BMPR2: variants seen among roughly 807,000 people sequenced by gnomAD.
The protein encoded by BMPR2 is bone morphogenetic protein receptor type-2.
A neutral mutation model predicts 100.8 loss-of-function variants in BMPR2; 29 were observed. The observed-to-expected ratio is 0.29, with a 90% CI of 0.21 to 0.39. The LOEUF (loss-of-function observed/expected upper bound fraction) is 0.39, where lower values mean the gene tolerates loss of function less well. BMPR2 is among the 10% of genes least tolerant of loss of function. The pLI is 1.00. For missense variants in BMPR2, 1,011 were observed against 1,274.5 expected (o/e 0.79, Z 3.15); for synonymous variants, 382 against 442.3 (o/e 0.86, Z 1.71).
Position 202,532,208 on chromosome 2 carries a change from T to C in BMPR2, c.1129-377T>C, listed in dbSNP as rs940224850. On this transcript the variant is annotated intron_variant, in intron 8 of 12. Transcript: ENST00000374580. This position sits in a 1 kb window ranked among gnomAD's most constrained non-coding sequence, Gnocchi z 4.1. Reference sequence around the variant, plus strand: ...CACCCGCCTTGGCCTCCCAAAGTGCTAGGATTACAGGCATGAGCCACTGCA... The same window carrying C: ...CACCCGCCTTGGCCTCCCAAAGTGCCAGGATTACAGGCATGAGCCACTGCA... Among the ~76,000 whole-genome samples, 3 of 152,056 alleles carry C rather than the reference T, an allele frequency of 2.0e-5. No individual in the cohort carries two copies. The highest frequency in any genetic ancestry group is 4.4e-5 in the Non-Finnish European group (3 of 68,010).
At chr2:202,452,045 C>T (rs879429619) in intron 1 of BMPR2, among the ~76,000 whole-genome samples, 12 of 152,054 alleles carry the variant, frequency 7.9e-5, no homozygotes, top group African/African-American at 2.9e-4. Flanking sequence ...TGAGCCACTG[C>T]GCCTGGCCAA....
At chr2:202,397,504 GTT>G (rs11389726) in intron 1 of BMPR2, among the ~76,000 whole-genome samples, 3 of 140,056 alleles carry the variant, frequency 2.1e-5, no homozygotes, top group Non-Finnish European at 1.6e-5. Context: ...GTTTTTTTTT[GTT>G]TTTTTTTTTT....
At chr2:202,519,855 T>C (rs1687788534) in intron 6 of BMPR2, among the ~76,000 whole-genome samples, 2 of 152,194 alleles carry the variant, frequency 1.3e-5, no homozygotes, top group Admixed American at 1.3e-4. Flanking sequence ...TTTTTAATAT[T>C]AGAGACATAA....
At chr2:202,471,987 T>C (rs560147110) in intron 3 of BMPR2, among the ~76,000 whole-genome samples, 18 of 152,054 alleles carry the variant, frequency 1.2e-4, no homozygotes, top group Admixed American at 2.0e-4. Context: ...AGTAGGTGAA[T>C]AGGTAAATCT....
At chr2:202,500,896 T>C (rs1237561313) in intron 3 of BMPR2, among the ~76,000 whole-genome samples, 1 of 152,174 alleles carries the variant, frequency 6.6e-6, no homozygotes, top group Non-Finnish European at 1.5e-5. Context: ...CTTTTGAGGA[T>C]CCCACAGACC....
chr2:202,402,148 G>C (rs939302846), intron 1 of BMPR2, among the ~76,000 whole-genome samples: 1 of 152,194 alleles, frequency 6.6e-6, no homozygotes, highest in African/African-American at 2.4e-5. Flanking sequence ...GGTGGAGGTG[G>C]GAGGTGGAAT....
intron 1 of BMPR2, among the ~76,000 whole-genome samples, chr2:202,416,790 G>A (rs115170232): frequency 0.099 from 14,981 of 151,876 alleles, 984 homozygotes; most frequent in South Asian, 0.25. Flanking sequence ...TTGTGCAGAC[G>A]CTGTAAACAT....
intron 1 of BMPR2, among the ~76,000 whole-genome samples, chr2:202,402,884 A>G (rs913794014): frequency 2.0e-5 from 3 of 150,364 alleles, no homozygotes; most frequent in Admixed American, 6.6e-5. Context: ...GCTGGAGTGC[A>G]ATGGCGCGAT....
At chr2:202,535,191 C>A (rs544175550) in intron 9 of BMPR2, among the ~76,000 whole-genome samples, 4 of 150,012 alleles carry the variant, frequency 2.7e-5, no homozygotes, top group South Asian at 2.1e-4. Context: ...GCTGACCCCC[C>A]CCACCTCCCT....
chr2:202,518,776 G>T, intron 5 of BMPR2, 46 bp from the exon 6 acceptor site: 2 of 1,444,490 alleles, frequency 1.4e-6, no homozygotes, highest in South Asian at 2.3e-5. Context: ...AAATTTGATT[G>T]TTCAATTGTG....
chr2:202,406,232 A>AT (rs1340153186), intron 1 of BMPR2, among the ~76,000 whole-genome samples: 1 of 152,244 alleles, frequency 6.6e-6, no homozygotes, highest in Non-Finnish European at 1.5e-5. Flanking sequence ...GGGTTCCTTC[A>AT]TTGTTAGTTT....
chr2:202,448,360 T>C (rs570424213), intron 1 of BMPR2, among the ~76,000 whole-genome samples: 4 of 148,026 alleles, frequency 2.7e-5, no homozygotes, highest in Non-Finnish European at 5.9e-5. Context: ...GGCAGGAGAA[T>C]GGCGTGAACC....
intron 10 of BMPR2, among the ~76,000 whole-genome samples, chr2:202,547,044 A>C (rs1238258341): frequency 6.6e-6 from 1 of 152,122 alleles, no homozygotes; most frequent in Non-Finnish European, 1.5e-5. Flanking sequence ...CCGGGATTAC[A>C]GTCATGAGTC....
intron 3 of BMPR2, among the ~76,000 whole-genome samples, chr2:202,510,489 T>A (rs1687599427): frequency 6.6e-6 from 1 of 152,170 alleles, no homozygotes; most frequent in Non-Finnish European, 1.5e-5. Flanking sequence ...GTCTGAAAAG[T>A]CTGTATATTG....
chr2:202,385,890 A>G (rs1406314949), intron 1 of BMPR2, among the ~76,000 whole-genome samples: 2 of 152,174 alleles, frequency 1.3e-5, no homozygotes. Flanking sequence ...AAACAATGCC[A>G]TATTTAATAC....
At chr2:202,555,077 T>C (rs1217764782) in intron 11 of BMPR2, among the ~76,000 whole-genome samples, 175 bp from the exon 12 acceptor site, 3 of 152,180 alleles carry the variant, frequency 2.0e-5, no homozygotes, top group Non-Finnish European at 1.5e-5. Flanking sequence ...CTAACACTTA[T>C]CAAGTTATTA....
At chr2:202,558,213 A>G (rs1688616050) in intron 12 of BMPR2, among the ~76,000 whole-genome samples, 1 of 152,152 alleles carries the variant, frequency 6.6e-6, no homozygotes, top group African/African-American at 2.4e-5. Flanking sequence ...CCCGGGTTCA[A>G]GTGATTCTCC....
intron 1 of BMPR2, among the ~76,000 whole-genome samples, chr2:202,430,133 C>T (rs534940144): frequency 1.3e-5 from 2 of 152,216 alleles, no homozygotes; most frequent in Admixed American, 1.3e-4. Flanking sequence ...AGAAAGAAAT[C>T]TCTCTCTTAT....
chr2:202,477,866 A>G, intron 3 of BMPR2, among the ~76,000 whole-genome samples: 1 of 152,088 alleles, frequency 6.6e-6, no homozygotes, highest in Middle Eastern at 3.2e-3. Flanking sequence ...TTTTTCCTCC[A>G]ATTGTATATT....
Sources: allele counts gnomAD v4.1 joint callset (sites outside exome capture counted in the v4.1 genomes callset), GRCh38; gene constraint gnomAD v4.1.1; non-coding constraint Gnocchi (gnomAD v3.1); transcripts MANE v1.5; gene names NCBI Gene and HGNC (gene_info 2026-07-23, HGNC 2026-07-21).